Variants in ARHGEF38 observed in about 807,000 individuals in gnomAD.
ARHGEF38 encodes the protein Rho guanine nucleotide exchange factor (GEF) 38.
Under a neutral mutation model 79.9 loss-of-function variants are expected in ARHGEF38, and 79 were observed. The observed-to-expected ratio is 0.99, with a 90% CI of 0.82 to 1.19. The LOEUF is 1.19. Among genes scored for constraint, ARHGEF38 ranks in the 50% most tolerant of loss-of-function variants. The pLI, the probability that ARHGEF38 is intolerant of heterozygous loss-of-function variation, is 0.00. For synonymous variants in ARHGEF38, 366 were observed against 328.3 expected (o/e 1.11, Z -1.24); for missense variants, 962 against 907.2 (o/e 1.06, Z -0.78).
In ARHGEF38 at chr4:105,613,619, T is replaced by C. The variant is rs77556973; in HGVS notation, c.508+112T>C. ...CTCACCATGCTTCCCAGGAGATATATAAATGCTAAACCCATCTTTGGGCTC... is the reference window on the plus strand; with the variant it reads ...CTCACCATGCTTCCCAGGAGATATACAAATGCTAAACCCATCTTTGGGCTC... On this transcript the variant is annotated intron_variant, in intron 3 of 13. Coordinates refer to ENST00000420470, the MANE Select transcript of ARHGEF38 (RefSeq NM_001242729.2). 4.9e-3 allele frequency: 5,990 copies of C among 1,211,888 alleles called. 259 individuals are homozygous for C. In the African/African-American group the frequency reaches 0.081, roughly 16 times the overall value. 75.1% of individuals were successfully genotyped at this position (1,211,888 alleles called of 1,614,324 possible).
intron 1 of ARHGEF38, among the ~76,000 whole-genome samples, chr4:105,575,457 T>C (rs1377438805): frequency 6.6e-6 from 1 of 152,210 alleles, no homozygotes; most frequent in Non-Finnish European, 1.5e-5. Context: ...TATCTTCTTT[T>C]GAGAAACGTC....
At chr4:105,607,048 G>A (rs138763508) in intron 2 of ARHGEF38, among the ~76,000 whole-genome samples, 7 of 151,982 alleles carry the variant, frequency 4.6e-5, no homozygotes, top group Non-Finnish European at 1.0e-4. Flanking sequence ...TAGTGGTTGG[G>A]GGTCTGCAGG....
chr4:105,572,008 G>T (rs933147612), intron 1 of ARHGEF38, among the ~76,000 whole-genome samples: 3 of 152,110 alleles, frequency 2.0e-5, no homozygotes, highest in African/African-American at 7.2e-5. Flanking sequence ...AACTATGAAG[G>T]TCATTCCATC....
At chr4:105,681,833 C>A (rs1198534398), downstream of ARHGEF38, among the ~76,000 whole-genome samples, 1 of 152,104 alleles carries the variant, frequency 6.6e-6, no homozygotes, top group African/African-American at 2.4e-5. Flanking sequence ...TTATTGTATA[C>A]AAAGTTAGCT....
At chr4:105,655,154 A>G (rs568564391) in intron 8 of ARHGEF38, among the ~76,000 whole-genome samples, 34 of 152,342 alleles carry the variant, frequency 2.2e-4, no homozygotes, top group African/African-American at 7.9e-4. Context: ...TCTTTCAAGG[A>G]GTAAATGTCT....
At chr4:105,642,589 C>G (rs961666572) in intron 5 of ARHGEF38, among the ~76,000 whole-genome samples, 3 of 152,070 alleles carry the variant, frequency 2.0e-5, no homozygotes, top group Admixed American at 6.5e-5. Context: ...ACTTCCCATT[C>G]ATTCTGTGAG....
intron 13 of ARHGEF38, among the ~76,000 whole-genome samples, chr4:105,674,178 G>C (rs903676300): frequency 2.0e-5 from 3 of 152,094 alleles, no homozygotes; most frequent in Non-Finnish European, 4.4e-5. Context: ...GTGGTTATAA[G>C]CAGTGGGTAA....
At chr4:105,555,285 C>T (rs2110385334) in intron 1 of ARHGEF38, among the ~76,000 whole-genome samples, 1 of 152,190 alleles carries the variant, frequency 6.6e-6, no homozygotes, top group African/African-American at 2.4e-5. Context: ...AGGCTGGCCT[C>T]CTGAGAAGTA....
At position 105,659,142 on chromosome 4, in the gene ARHGEF38, A is replaced by G. The variant is rs1399229616; in HGVS notation, c.1322A>G (p.Tyr441Cys). Residue 441 changes from tyrosine to cysteine, a missense_variant, in exon 10 of 14, where the codon TAT becomes TGT. By Grantham distance (194) the Tyr-to-Cys change is radical (BLOSUM62 -2). Coordinates refer to ENST00000420470, the MANE Select transcript of ARHGEF38 (RefSeq NM_001242729.2). ...PGPHKLIQKRYDKLLDCNSYL... is the reference protein window; with the variant it reads ...PGPHKLIQKRCDKLLDCNSYL... ...CCTCACAAGCTCATCCAGAAACGCT[A>G]TGACAAACTGCTGGATTGCAACAGC... The G allele has an allele frequency of 6.5e-7, 1 of 1,536,146 alleles. No individual in the cohort carries two copies. Among genetic ancestry groups the G allele is most frequent in the Non-Finnish European group, 8.7e-7 (1 of 1,146,878 alleles).
chr4:105,616,193 T>G (rs985742283), intron 3 of ARHGEF38, among the ~76,000 whole-genome samples: 1 of 152,206 alleles, frequency 6.6e-6, no homozygotes, highest in Admixed American at 6.5e-5. Flanking sequence ...GATTGACAAC[T>G]CTTTTACAAA....
intron 2 of ARHGEF38, among the ~76,000 whole-genome samples, chr4:105,595,954 T>A (rs893108206): frequency 6.6e-6 from 1 of 152,174 alleles, no homozygotes; most frequent in Non-Finnish European, 1.5e-5. Flanking sequence ...TTTCCCCTGA[T>A]GACAACTATA....
intron 2 of ARHGEF38, among the ~76,000 whole-genome samples, chr4:105,605,472 T>C (rs1246941917): frequency 1.3e-5 from 2 of 152,140 alleles, no homozygotes; most frequent in African/African-American, 4.8e-5. Context: ...GTGGCTAATG[T>C]AGGTCTGTCC....
intron 13 of ARHGEF38, among the ~76,000 whole-genome samples, chr4:105,672,303 G>A (rs1730982127): frequency 6.6e-6 from 1 of 152,128 alleles, no homozygotes; most frequent in Non-Finnish European, 1.5e-5. Context: ...CTGCTGTAGA[G>A]ATTTAACTTG....
intron 1 of ARHGEF38, chr4:105,561,444 A>AGAATGGAATGGAATAGAATGGAATG (rs1310249222): frequency 2.3e-5 from 1 of 42,986 alleles, no homozygotes; most frequent in African/African-American, 1.1e-4. Context: ...AGAATAGAAT[A>AGAATGGAATGGAATAGAATGGAATG]GAATGGAATA....
chr4:105,575,520 T>G (rs1315845220), intron 1 of ARHGEF38, among the ~76,000 whole-genome samples: 2 of 152,190 alleles, frequency 1.3e-5, no homozygotes, highest in African/African-American at 2.4e-5. Context: ...TTTCCTTAAT[T>G]TGTTTGAGTT....
At chr4:105,574,831 C>G (rs147546571) in intron 1 of ARHGEF38, among the ~76,000 whole-genome samples, 5 of 150,418 alleles carry the variant, frequency 3.3e-5, no homozygotes, top group African/African-American at 1.2e-4. Flanking sequence ...ACCTGAATAA[C>G]GTATGTTGTA....
intron 10 of ARHGEF38, among the ~76,000 whole-genome samples, chr4:105,662,428 T>C (rs1730596156): frequency 6.6e-6 from 1 of 152,132 alleles, no homozygotes; most frequent in Non-Finnish European, 1.5e-5. Flanking sequence ...GATTTATTAA[T>C]TTCATTTTAT....
intron 2 of ARHGEF38, among the ~76,000 whole-genome samples, chr4:105,606,029 T>C (rs1273818143): frequency 1.3e-5 from 2 of 152,076 alleles, no homozygotes; most frequent in African/African-American, 4.8e-5. Flanking sequence ...ATCAATCTAA[T>C]TTAGAGGATG....
At chr4:105,641,686 C>A (rs1729623679) in intron 5 of ARHGEF38, among the ~76,000 whole-genome samples, 1 of 151,714 alleles carries the variant, frequency 6.6e-6, no homozygotes, top group Non-Finnish European at 1.5e-5. Flanking sequence ...TTTTTCCTTC[C>A]CATTAAGAAA....
Sources: allele counts gnomAD v4.1 joint callset (sites outside exome capture counted in the v4.1 genomes callset), GRCh38; gene constraint gnomAD v4.1.1; transcripts MANE v1.5; gene names NCBI Gene and HGNC (gene_info 2026-07-23, HGNC 2026-07-21).